GPC6: variants seen among roughly 807,000 people sequenced by gnomAD.
GPC6 encodes the protein glypican 6, also known as glypican-6.
A neutral mutation model predicts 55.2 loss-of-function variants in GPC6; 14 were observed. The ratio of observed to expected loss-of-function variants is 0.25; its 90% CI spans 0.17 to 0.40. The LOEUF is 0.40. Among genes scored for constraint, GPC6 ranks in the 10% least tolerant of loss-of-function variants. The probability of loss-of-function intolerance (pLI) is 1.00; values close to 1 mark genes in which losing one functional copy is unlikely to be tolerated. For missense variants in GPC6, 641 were observed against 708.5 expected, an observed-to-expected ratio of 0.90 and a Z score of 1.08; for synonymous variants, 278 against 259.6, an observed-to-expected ratio of 1.07 and a Z score of -0.68.
At chr13:93,498,105 C>T (rs999043642) in intron 1 of GPC6, among the ~76,000 whole-genome samples, 1 of 152,284 alleles carries the variant, frequency 6.6e-6, no homozygotes, top group South Asian at 2.1e-4. Flanking sequence ...TATGGAATAC[C>T]ATAAGCTGGC....
intron 1 of GPC6, among the ~76,000 whole-genome samples, chr13:93,431,864 C>T (rs1877372596): frequency 6.6e-6 from 1 of 152,134 alleles, no homozygotes; most frequent in African/African-American, 2.4e-5. Context: ...GACTTGCTTC[C>T]CTTCCTGTAG....
At chr13:93,963,091 T>A (rs561766778) in intron 3 of GPC6, among the ~76,000 whole-genome samples, 3 of 152,302 alleles carry the variant, frequency 2.0e-5, no homozygotes, top group African/African-American at 7.2e-5. Context: ...TACTTTCTGC[T>A]TAGGTATTAC....
At chr13:93,798,440 G>T (rs138719626) in intron 2 of GPC6, among the ~76,000 whole-genome samples, 1 of 152,018 alleles carries the variant, frequency 6.6e-6, no homozygotes, top group Non-Finnish European at 1.5e-5. Context: ...TTTAATAAGC[G>T]GCAGATGATA....
intron 1 of GPC6, among the ~76,000 whole-genome samples, chr13:93,304,633 AAGAC>A (rs1367344198): frequency 6.6e-6 from 1 of 152,208 alleles, no homozygotes; most frequent in Non-Finnish European, 1.5e-5. Flanking sequence ...TAATGACACA[AAGAC>A]AGATTTCATT....
At chr13:93,640,834 TCCTTCCTTCCTTCCTTCCTA>T (rs1195949272) in intron 2 of GPC6, among the ~76,000 whole-genome samples, 9 of 140,478 alleles carry the variant, frequency 6.4e-5, no homozygotes, top group Non-Finnish European at 1.3e-4. Flanking sequence ...CTTCCTTTGT[TCCTTCCTTCCTTCCTTCCTA>T]CCTTCTCCCC....
At chr13:93,367,739 C>G (rs1446595600) in intron 1 of GPC6, among the ~76,000 whole-genome samples, 1 of 151,982 alleles carries the variant, frequency 6.6e-6, no homozygotes, top group East Asian at 1.9e-4. Flanking sequence ...TGGGAGATTT[C>G]TTTCTGTTAT....
chr13:94,246,040 T>A (rs1486769145), intron 4 of GPC6, among the ~76,000 whole-genome samples: 1 of 152,120 alleles, frequency 6.6e-6, no homozygotes, highest in Admixed American at 6.6e-5. Flanking sequence ...CTTGTCTTTT[T>A]TATAGTAGAC....
chr13:93,343,715 T>G (rs1880339366), intron 1 of GPC6, among the ~76,000 whole-genome samples: 1 of 152,192 alleles, frequency 6.6e-6, no homozygotes, highest in African/African-American at 2.4e-5. Context: ...AGAAGACCTC[T>G]CTTTGCCCGT....
intron 2 of GPC6, among the ~76,000 whole-genome samples, chr13:93,633,433 G>T (rs1879548320): frequency 6.6e-6 from 1 of 152,078 alleles, no homozygotes; most frequent in African/African-American, 2.4e-5. Flanking sequence ...ATCACTTGAG[G>T]TCAGGAGTTT....
intron 2 of GPC6, among the ~76,000 whole-genome samples, chr13:93,680,530 G>C (rs187593639): frequency 1.3e-5 from 2 of 152,184 alleles, no homozygotes; most frequent in African/African-American, 4.8e-5. Flanking sequence ...GAAGTACGCA[G>C]AGAGATAGCA....
intron 4 of GPC6, among the ~76,000 whole-genome samples, chr13:94,129,816 C>A (rs1395485306): frequency 6.6e-6 from 1 of 151,898 alleles, no homozygotes; most frequent in African/African-American, 2.4e-5. Flanking sequence ...CTGAAAGATT[C>A]CTTGAAAGGT....
chr13:93,689,803 T>A (rs930555196), intron 2 of GPC6, among the ~76,000 whole-genome samples: 9 of 152,192 alleles, frequency 5.9e-5, no homozygotes, highest in African/African-American at 2.2e-4. Flanking sequence ...CCTGTAATTA[T>A]TTTTGGAAGC....
chr13:93,413,568 T>C (rs1876590383), intron 1 of GPC6, among the ~76,000 whole-genome samples: 2 of 151,810 alleles, frequency 1.3e-5, no homozygotes, highest in Admixed American at 6.6e-5. Flanking sequence ...TTTTTTTTTT[T>C]TTCCGGAAGA....
At chr13:93,301,298 T>C (rs1171981340) in intron 1 of GPC6, among the ~76,000 whole-genome samples, 1 of 152,144 alleles carries the variant, frequency 6.6e-6, no homozygotes, top group Non-Finnish European at 1.5e-5. Flanking sequence ...CCTAAAATGG[T>C]GATGCTTGGA....
rs377649427 is a variant in GPC6 at position 94,219,183 on chromosome 13, A to G, written c.878-67166A>G. Among the ~76,000 whole-genome samples, 8 of 152,292 alleles carry G rather than the reference A, an allele frequency of 5.3e-5. No homozygotes were observed. The South Asian group carries it at 1.4e-3, about 28-fold the overall frequency. ...TCGACTGCTTTTCAAGCAGAGATAT[A>G]GATATTATACTGAGAGTAAAAGCTC... On this transcript the variant is annotated intron_variant, in intron 4 of 8. Transcript: ENST00000377047.
chr13:93,528,053 A>T (rs776691195), intron 1 of GPC6, among the ~76,000 whole-genome samples: 1 of 152,152 alleles, frequency 6.6e-6, no homozygotes, highest in African/African-American at 2.4e-5. Flanking sequence ...GAAGTCTTAC[A>T]GGCAGTTCAA....
chr13:93,389,324 C>T (rs188468262), intron 1 of GPC6, among the ~76,000 whole-genome samples: 54 of 150,656 alleles, frequency 3.6e-4, no homozygotes, highest in Admixed American at 3.4e-3. Context: ...AGTGAAACCC[C>T]GTCTCTACTA....
intron 2 of GPC6, among the ~76,000 whole-genome samples, chr13:93,687,774 G>T (rs544924285): frequency 7.7e-6 from 1 of 129,744 alleles, no homozygotes; most frequent in Non-Finnish European, 1.7e-5. Context: ...AGGCTACTAC[G>T]TATCATGAGA....
At chr13:93,645,991 T>C (rs1880154218) in intron 2 of GPC6, among the ~76,000 whole-genome samples, 1 of 152,156 alleles carries the variant, frequency 6.6e-6, no homozygotes, top group Non-Finnish European at 1.5e-5. Flanking sequence ...GGGGAAATTA[T>C]TTCTGTTAGA....
Sources: gnomAD v4.1 joint callset for allele counts (sites outside exome capture counted in the v4.1 genomes callset) on GRCh38, gnomAD v4.1.1 for gene constraint, MANE v1.5 for transcripts, NCBI Gene and HGNC (gene_info 2026-07-23, HGNC 2026-07-21) for gene names.